The following KCNU1 variants were observed in gnomAD, a reference collection of about 807,000 sequenced individuals.
KCNU1 encodes the protein potassium channel subfamily U member 1.
KCNU1 carries 93 observed loss-of-function variants against 126.8 expected under a neutral mutation model. That is an observed-to-expected ratio of 0.73 (90% CI 0.62 to 0.87). The LOEUF (loss-of-function observed/expected upper bound fraction) is 0.87. Ranked by LOEUF, KCNU1 falls within the 40% of genes least tolerant of loss-of-function variation. The pLI, the probability that KCNU1 is intolerant of heterozygous loss-of-function variation, is 0.00. For synonymous variants in KCNU1, 523 were observed against 494.2 expected, an observed-to-expected ratio of 1.06 and a Z score of -0.77; for missense variants, 1,330 against 1,367.1, an observed-to-expected ratio of 0.97 and a Z score of 0.43.
intron 10 of KCNU1, among the ~76,000 whole-genome samples, chr8:36,826,710 CT>C (rs911861831): frequency 2.6e-5 from 4 of 151,500 alleles, no homozygotes; most frequent in Non-Finnish European, 4.4e-5. Flanking sequence ...ACATTTGATT[CT>C]TTTTTTTAAA....
chr8:36,857,266 G>A (rs1277574247), intron 18 of KCNU1, among the ~76,000 whole-genome samples: 2 of 152,226 alleles, frequency 1.3e-5, no homozygotes, highest in Non-Finnish European at 2.9e-5. Context: ...TACCTAAACA[G>A]AGCCTCACCT....
intron 24 of KCNU1, 88 bp downstream of exon 24, chr8:36,922,717 C>A (rs536405250): frequency 2.5e-5 from 33 of 1,296,956 alleles, no homozygotes; most frequent in Non-Finnish European, 3.1e-5. Context: ...GATGATAACA[C>A]CTCACAGTTC....
chr8:36,912,995 T>C (rs1290566420), intron 22 of KCNU1, among the ~76,000 whole-genome samples: 2 of 119,240 alleles, frequency 1.7e-5, no homozygotes, highest in Non-Finnish European at 3.6e-5. Flanking sequence ...TAAATCCATA[T>C]ACAAATGAAA....
intron 18 of KCNU1, among the ~76,000 whole-genome samples, chr8:36,854,882 G>A (rs868384522): frequency 1.6e-4 from 25 of 152,090 alleles, no homozygotes; most frequent in African/African-American, 5.6e-4. Flanking sequence ...CTTTCCCAAA[G>A]TCTATCTCTC....
chr8:36,796,690 C>T (rs1305621393), intron 2 of KCNU1, among the ~76,000 whole-genome samples: 1 of 152,090 alleles, frequency 6.6e-6, no homozygotes, highest in Non-Finnish European at 1.5e-5. Flanking sequence ...AACATTGATC[C>T]TCCTGTTTTC....
At chr8:36,868,377 GA>G (rs927825871) in intron 19 of KCNU1, among the ~76,000 whole-genome samples, 1 of 151,456 alleles carries the variant, frequency 6.6e-6, no homozygotes, top group Non-Finnish European at 1.5e-5. Context: ...GGCATTTTTG[GA>G]AAAAAAATGT....
At position 36,886,962 on chromosome 8, in the gene KCNU1, G is replaced by A. The variant is rs545786602; in HGVS notation, c.2010-18746G>A. Among the ~76,000 whole-genome samples, 4 of 152,064 alleles carry A rather than the reference G, an allele frequency of 2.6e-5. No homozygotes were observed. In the East Asian group the frequency reaches 7.8e-4, roughly 29 times the overall value. On this transcript the variant is annotated intron_variant, in intron 19 of 26. Coordinates refer to ENST00000399881, the MANE Select transcript of KCNU1 (RefSeq NM_001031836.3). ...TGGACTCTACTTTCATCCAAGTTGT[G>A]ACAAAATACATTATTTTGTTTTTTT...
intron 25 of KCNU1, among the ~76,000 whole-genome samples, chr8:36,932,091 G>T (rs1330714787): frequency 6.6e-6 from 1 of 152,108 alleles, no homozygotes; most frequent in African/African-American, 2.4e-5. Flanking sequence ...CAGTATACCT[G>T]GTGCATGTCA....
chr8:36,907,678 T>C (rs1258036577), intron 20 of KCNU1, among the ~76,000 whole-genome samples: 1 of 152,194 alleles, frequency 6.6e-6, no homozygotes, highest in African/African-American at 2.4e-5. Flanking sequence ...TGTTACTTAT[T>C]TATCCTGTTA....
intron 1 of KCNU1, 34 bp from the exon 2 acceptor site, chr8:36,787,272 G>A: frequency 1.3e-6 from 2 of 1,572,622 alleles, no homozygotes; most frequent in Non-Finnish European, 8.6e-7. Context: ...CTCAGATCCA[G>A]CTCACATTGT....
chr8:36,866,643 T>C (rs1805921598), intron 19 of KCNU1, among the ~76,000 whole-genome samples: 1 of 152,126 alleles, frequency 6.6e-6, no homozygotes, highest in Non-Finnish European at 1.5e-5. Context: ...TAAATAGGCA[T>C]TTATTGAGTA....
At chr8:36,873,120 C>T (rs1294351391) in intron 19 of KCNU1, among the ~76,000 whole-genome samples, 1 of 152,114 alleles carries the variant, frequency 6.6e-6, no homozygotes, top group Non-Finnish European at 1.5e-5. Context: ...AAAACCCCAA[C>T]AATTTACATC....
chr8:36,850,207 T>C (rs745337523), intron 18 of KCNU1, among the ~76,000 whole-genome samples: 39 of 152,224 alleles, frequency 2.6e-4, no homozygotes, highest in South Asian at 6.2e-4. Context: ...TCTAAATACA[T>C]AGTCCCTTAT....
intron 19 of KCNU1, among the ~76,000 whole-genome samples, chr8:36,868,339 A>G (rs540990422): frequency 8.5e-5 from 13 of 152,286 alleles, no homozygotes; most frequent in African/African-American, 2.9e-4. Flanking sequence ...GTGGTAAAAT[A>G]AACTGGATGG....
At chr8:36,870,650 T>C in intron 19 of KCNU1, among the ~76,000 whole-genome samples, 1 of 152,210 alleles carries the variant, frequency 6.6e-6, no homozygotes, top group Non-Finnish European at 1.5e-5. Flanking sequence ...GATGAGATTA[T>C]CTGAGCAATT....
At chr8:36,844,668 C>T (rs1424759808) in intron 16 of KCNU1, among the ~76,000 whole-genome samples, 1 of 152,166 alleles carries the variant, frequency 6.6e-6, no homozygotes, top group South Asian at 2.1e-4. Context: ...GGTTCTCTAA[C>T]ACTTGAAAGT....
At position 36,880,516 on chromosome 8, in the gene KCNU1, C is replaced by G. The variant is rs868394966; in HGVS notation, c.2009+15995C>G. ...AGGCTTTCTGAATAATTCCCACCCT[C>G]CAGTTATTGGTATGAAGGACAAGTG... On this transcript the variant is annotated intron_variant, in intron 19 of 26. Coordinates refer to ENST00000399881, the MANE Select transcript of KCNU1 (RefSeq NM_001031836.3). 2.4e-4 allele frequency among the ~76,000 whole-genome samples: 37 copies of G among 152,254 alleles called. No individual in the cohort carries two copies. The Middle Eastern group carries it at 0.01, about 42-fold the overall frequency.
chr8:36,807,307 T>C, intron 5 of KCNU1, 68 bp from the exon 6 acceptor site: 1 of 1,055,852 alleles, frequency 9.5e-7, no homozygotes, highest in Non-Finnish European at 1.5e-6. Context: ...CCAATGCTGT[T>C]ATAACGTAGG....
intron 18 of KCNU1, among the ~76,000 whole-genome samples, chr8:36,849,052 C>T (rs1278146360): frequency 6.6e-5 from 10 of 152,018 alleles, no homozygotes; most frequent in Admixed American, 5.2e-4. Flanking sequence ...GTCATCACTA[C>T]AATCAATTTT....
Sources: allele counts gnomAD v4.1 joint callset (sites outside exome capture counted in the v4.1 genomes callset), GRCh38; gene constraint gnomAD v4.1.1; transcripts MANE v1.5; gene names NCBI Gene and HGNC (gene_info 2026-07-23, HGNC 2026-07-21).